The following LMBR1 variants were observed in gnomAD, a reference collection of about 807,000 sequenced individuals.
The protein encoded by LMBR1 is limb development membrane protein 1.
A neutral mutation model predicts 73.9 loss-of-function variants in LMBR1; 52 were observed. The observed-to-expected ratio is 0.70, with a 90% confidence interval of 0.56 to 0.89. The LOEUF (loss-of-function observed/expected upper bound fraction) is 0.89, where lower values mean the gene tolerates loss of function less well. LMBR1 is among the 40% of genes least tolerant of loss of function. The probability of loss-of-function intolerance (pLI) is 0.00; values close to 1 mark genes in which losing one functional copy is unlikely to be tolerated. For synonymous variants in LMBR1, 215 were observed against 209.4 expected (o/e 1.03, Z -0.23); for missense variants, 539 against 579.8 (o/e 0.93, Z 0.72).
chr7:156,778,356 C>T (rs1826527927), intron 5 of LMBR1, among the ~76,000 whole-genome samples: 1 of 152,128 alleles, frequency 6.6e-6, no homozygotes, highest in African/African-American at 2.4e-5. Flanking sequence ...ATTAAGATAA[C>T]TGATATAGTA....
chr7:156,709,967 C>T (rs1470081175), intron 15 of LMBR1, among the ~76,000 whole-genome samples: 2 of 136,944 alleles, frequency 1.5e-5, no homozygotes, highest in South Asian at 2.4e-4. Context: ...TGCAGTGGCG[C>T]GATCTTGGCT....
intron 5 of LMBR1, among the ~76,000 whole-genome samples, chr7:156,782,525 C>T (rs904529074): frequency 6.6e-6 from 1 of 152,038 alleles, no homozygotes; most frequent in Non-Finnish European, 1.5e-5. Flanking sequence ...GGAGGTATCT[C>T]ATTGCAGTTT....
intron 1 of LMBR1, among the ~76,000 whole-genome samples, chr7:156,847,981 T>C (rs1293514029): frequency 1.3e-5 from 2 of 152,052 alleles, no homozygotes; most frequent in Non-Finnish European, 2.9e-5. Context: ...ATAGCAGCTC[T>C]TTTCATAATT....
Position 156,680,376 on chromosome 7 carries a change from C to CAGAGAG in LMBR1, c.*3696_*3701dup, listed in dbSNP as rs376130225. On this transcript the variant is annotated 3_prime_UTR_variant, in exon 17 of 17. Transcript: ENST00000353442. ...TTTTTGCTTATACGTATCTGAGAGA[C>CAGAGAG]AGAGAGAGAGAGAGAGAGAGAGAGA... 0.17 allele frequency: 24,090 copies of CAGAGAG among 140,948 alleles called. 2,092 individuals carry two copies. The highest frequency in any genetic ancestry group is 0.25 in the Middle Eastern group (71 of 280). The allele number at this position is 140,948 out of a possible 1,614,324, so 8.7% of individuals were successfully genotyped here. A position where few individuals can be genotyped will look rare whatever the true frequency, so the allele number is the denominator to read the frequency against.
chr7:156,803,566 C>G (rs1207236171), intron 4 of LMBR1, among the ~76,000 whole-genome samples: 2 of 151,584 alleles, frequency 1.3e-5, no homozygotes, highest in Non-Finnish European at 3.0e-5. Context: ...ACTGTCAACC[C>G]TTGTGGAAGT....
chr7:156,833,921 CTG>C, intron 2 of LMBR1, 129 bp from the exon 3 acceptor site: 1 of 619,484 alleles, frequency 1.6e-6, no homozygotes, highest in Non-Finnish European at 2.7e-6. Flanking sequence ...TCAAAAAGCA[CTG>C]TATTTGTTTC....
intron 8 of LMBR1, among the ~76,000 whole-genome samples, chr7:156,761,262 A>G (rs1317928806): frequency 6.6e-6 from 1 of 152,240 alleles, no homozygotes; most frequent in African/African-American, 2.4e-5. Context: ...AATAAGTGAC[A>G]GATTTCCTAG....
rs1480723898 is a variant in LMBR1 at position 156,891,209 on chromosome 7, AAAATATATATAT to A, written c.66+1707_66+1718del. Among the ~76,000 whole-genome samples the A allele has an allele frequency of 9.5e-3, 845 of 89,312 alleles. 15 individuals are homozygous for A. The highest frequency in any genetic ancestry group is 0.014 in the Non-Finnish European group (660 of 46,188). The allele number at this position is 89,312 out of a possible 152,430, so 58.6% of individuals were successfully genotyped here. A position where few individuals can be genotyped will look rare whatever the true frequency, so the allele number is the denominator to read the frequency against. On this transcript the variant is annotated intron_variant, in intron 1 of 16. Transcript: ENST00000353442. ...CCATCACAAAAAAAAAAAAAAAAAA[AAAATATATATAT>A]ATATATATATATACACACACACACA...
At chr7:156,843,443 C>T (rs1303443186) in intron 1 of LMBR1, among the ~76,000 whole-genome samples, 1 of 152,142 alleles carries the variant, frequency 6.6e-6, no homozygotes, top group Non-Finnish European at 1.5e-5. Context: ...GAAGTAGCTG[C>T]AACGAAAGCA....
chr7:156,840,821 C>T (rs1337767661), intron 1 of LMBR1, among the ~76,000 whole-genome samples: 3 of 150,432 alleles, frequency 2.0e-5, no homozygotes, highest in Non-Finnish European at 4.4e-5. Context: ...AAAAATTAGC[C>T]GGGCGTCGTG....
chr7:156,829,845 C>T (rs1328615123), intron 3 of LMBR1, among the ~76,000 whole-genome samples: 1 of 152,210 alleles, frequency 6.6e-6, no homozygotes, highest in Non-Finnish European at 1.5e-5. Context: ...TCTGCCGTCT[C>T]CAGGGGCCTT....
downstream of LMBR1, chr7:156,675,859 T>C (rs747285367): frequency 3.1e-6 from 5 of 1,613,072 alleles, no homozygotes; most frequent in Admixed American, 1.7e-5. Context: ...AAAATCCAAG[T>C]GCAGGTAGGT....
intron 15 of LMBR1, among the ~76,000 whole-genome samples, chr7:156,719,080 C>T (rs1380646505): frequency 6.6e-6 from 1 of 151,362 alleles, no homozygotes; most frequent in African/African-American, 2.4e-5. Flanking sequence ...TGTGCTGCAC[C>T]CATTAACTCG....
chr7:156,722,312 C>T (rs1237034854), intron 15 of LMBR1, among the ~76,000 whole-genome samples: 1 of 152,072 alleles, frequency 6.6e-6, no homozygotes, highest in African/African-American at 2.4e-5. Flanking sequence ...GTCTTATAAG[C>T]TTTTCAGCTG....
chr7:156,674,609 G>A (rs962532458), downstream of LMBR1, among the ~76,000 whole-genome samples: 4 of 152,154 alleles, frequency 2.6e-5, no homozygotes, highest in South Asian at 4.1e-4. Flanking sequence ...CCGGGAGGCC[G>A]AGGCTGAGTG....
chr7:156,780,037 G>C (rs889019535), intron 5 of LMBR1, among the ~76,000 whole-genome samples: 1 of 152,292 alleles, frequency 6.6e-6, no homozygotes, highest in Non-Finnish European at 1.5e-5. Context: ...TCTAGAGAGT[G>C]TCAAACATTT....
intron 2 of LMBR1, among the ~76,000 whole-genome samples, chr7:156,834,233 T>C (rs1439042437): frequency 1.3e-5 from 2 of 152,166 alleles, no homozygotes; most frequent in African/African-American, 4.8e-5. Flanking sequence ...TCATTAATAA[T>C]AGTAACAAGG....
chr7:156,778,052 T>C (rs949975546), intron 5 of LMBR1, among the ~76,000 whole-genome samples: 7 of 152,344 alleles, frequency 4.6e-5, no homozygotes, highest in Non-Finnish European at 7.3e-5. Context: ...CTATTATAGG[T>C]ACACAAATAA....
intron 15 of LMBR1, among the ~76,000 whole-genome samples, chr7:156,694,814 C>T (rs1414565587): frequency 6.6e-6 from 1 of 152,144 alleles, no homozygotes; most frequent in Non-Finnish European, 1.5e-5. Flanking sequence ...AATAATCCTA[C>T]TTGTAATAGC....
Sources: allele counts gnomAD v4.1 joint callset (sites outside exome capture counted in the v4.1 genomes callset), GRCh38; gene constraint gnomAD v4.1.1; transcripts MANE v1.5; gene names NCBI Gene and HGNC (gene_info 2026-07-23, HGNC 2026-07-21).